Variants in MYH2 observed in about 807,000 individuals in gnomAD.
MYH2 encodes myosin-2.
A neutral mutation model predicts 228.1 loss-of-function variants in MYH2; 139 were observed. The observed-to-expected ratio is 0.61, with a 90% CI of 0.53 to 0.70. The LOEUF is 0.70. Ranked by LOEUF, MYH2 falls within the 30% of genes least tolerant of loss-of-function variation. The pLI is 0.00. For missense variants in MYH2, 1,809 were observed against 2,357.5 expected, an observed-to-expected ratio of 0.77 and a Z score of 4.82; for synonymous variants, 796 against 871.1, an observed-to-expected ratio of 0.91 and a Z score of 1.52.
Position 10,539,230 on chromosome 17 carries a change from T to C in MYH2, c.1391A>G (p.Asp464Gly). The C allele has an allele frequency of 6.2e-7, 1 of 1,614,212 alleles. No individual in the cohort carries two copies. The highest frequency in any genetic ancestry group is 8.5e-7 in the Non-Finnish European group (1 of 1,180,046). Residue 464 changes from aspartate (D) to glycine (G), a missense_variant, in exon 14 of 40, where the codon GAC (aspartate) becomes GGC (glycine). By Grantham distance (94) the Asp-to-Gly change is moderately conservative. Transcript: ENST00000245503. ...QPRQYFIGVL[D>G]IAGFEIFDFN... ...ATCAAAAATCTCAAAACCAGCAATG[T>C]CCAAGACCCCGATGAAGTACTGCCT...
At chr17:10,545,646 C>T in intron 4 of MYH2, 144 bp from the exon 5 acceptor site, 3 of 1,112,290 alleles carry the variant, frequency 2.7e-6, no homozygotes, top group South Asian at 1.4e-5. Context: ...CTCACTGCAG[C>T]CCCAACCTCC....
chr17:10,542,567 A>T (rs2073570723), intron 10 of MYH2, among the ~76,000 whole-genome samples: 1 of 152,230 alleles, frequency 6.6e-6, no homozygotes, highest in South Asian at 2.1e-4. Flanking sequence ...TTCAGTTATG[A>T]AAATTGTATG....
chr17:10,547,512 T>C lies in MYH2; in HGVS notation c.311A>G (p.Tyr104Cys). Residue 104 changes from tyrosine to cysteine, a missense_variant, in exon 4 of 40, where the codon TAC becomes TGC. Physicochemically the swap from Tyr to Cys is radical, Grantham distance 194 (BLOSUM62 -2). Coordinates refer to ENST00000245503, the MANE Select transcript of MYH2 (RefSeq NM_017534.6). ...GGCTGCATAACGTTCTTTGAGGTTG[T>C]ACAGCACAGCAGGCTCATGCAGATG... ...MTHLHEPAVL[Y>C]NLKERYAAWM... is the part of the protein sequence containing the mutation. The C allele has an allele frequency of 6.2e-7, 1 of 1,614,128 alleles. No homozygotes were observed.
chr17:10,545,237 C>T, intron 5 of MYH2, 109 bp downstream of exon 5: 1 of 1,597,158 alleles, frequency 6.3e-7, no homozygotes, highest in African/African-American at 1.3e-5. Flanking sequence ...ACACCAGCCT[C>T]AACTAAAAGG....
intron 8 of MYH2, 29 bp downstream of exon 8, chr17:10,543,682 G>C (rs199773022): frequency 3.1e-6 from 5 of 1,612,320 alleles, no homozygotes; most frequent in Non-Finnish European, 4.2e-6. Context: ...CCAGTGAACA[G>C]CATCTATTAG....
In MYH2 at chr17:10,543,779, T is replaced by A; in HGVS notation, c.673A>T (p.Ser225Cys). 6.2e-7 allele frequency: 1 copy of A among 1,614,216 alleles called. No individual in the cohort carries two copies. Among genetic ancestry groups the A allele is most frequent in the Non-Finnish European group, 8.5e-7 (1 of 1,180,026 alleles). The stretch of plus-strand genomic sequence containing the variant: ...AAGGCCTCCAGTAGGGGGTTGGCAC[T>A]GATGATTTGATCTTCCAGAGTCCCC... ...IQGTLEDQII[S>C]ANPLLEAFGN... Residue 225 changes from serine to cysteine, a missense_variant, in exon 8 of 40, where the codon AGT becomes TGT. This residue lies in a region of MYH2 where 373 missense variants were observed against 620.4 expected (regional missense o/e 0.60). Coordinates refer to ENST00000245503, the MANE Select transcript of MYH2 (RefSeq NM_017534.6).
At position 10,528,770 on chromosome 17, in the gene MYH2, T is replaced by A; in HGVS notation, c.3664A>T (p.Lys1222Ter). The A allele has an allele frequency of 1.2e-6, 2 of 1,614,132 alleles. No homozygotes were observed. Among genetic ancestry groups the A allele is most frequent in the Non-Finnish European group, 1.7e-6 (2 of 1,179,988 alleles). Reference protein sequence around the residue: ...QIDNLQRVKQKLEKEKSEMKM... With the variant: ...QIDNLQRVKQ ...ATCTCACTCTTCTCCTTCTCCAGCT[T>A]CTGCTTCACTCGCTGCAGGTTGTCA... The change falls in exon 27 of 40, where the codon AAG becomes TAG. Residue 1222 changes from lysine to a stop codon, truncating the protein, a stop_gained. Transcript: ENST00000245503. LOFTEE classifies it high-confidence loss of function.
At position 10,539,989 on chromosome 17, in the gene MYH2, A is replaced by G. The variant is rs145946759; in HGVS notation, c.1086T>C (p.Tyr362=). ...IYKLTGAVMH[Y]GNLKFKQKQR... is the part of the protein sequence containing the mutation. The stretch of plus-strand genomic sequence containing the variant: ...GCTTTTGCTTAAATTTTAGGTTCCC[A>G]TAATGCATCACAGCCCCCGTGAGCT... Residue 362 remains tyrosine (Y), a synonymous_variant, in exon 12 of 40, where the codon TAT becomes TAC. Transcript: ENST00000245503. 71 of 1,613,984 alleles carry G rather than the reference A, an allele frequency of 4.4e-5. No homozygotes were observed. Among genetic ancestry groups the G allele is most frequent in the African/African-American group, 1.1e-4 (8 of 74,908 alleles).
In MYH2 at chr17:10,539,290, GCA is replaced by G; in HGVS notation, c.1329_1330del (p.Ala444ProfsTer25). 1 of 1,614,178 alleles carries G rather than the reference GCA, an allele frequency of 6.2e-7. No individual in the cohort carries two copies. Among genetic ancestry groups the G allele is most frequent in the Non-Finnish European group, 8.5e-7 (1 of 1,180,034 alleles). ...GGTGTCCAGCTGCTGGTTGATGCGG[GCA>G]ACCATCCACAGGAACATCTTCTCGT... On this transcript the variant is annotated frameshift_variant, in exon 14 of 40. Coordinates refer to ENST00000245503, the MANE Select transcript of MYH2 (RefSeq NM_017534.6). LOFTEE classifies it high-confidence loss of function.
intron 8 of MYH2, among the ~76,000 whole-genome samples, 171 bp downstream of exon 8, chr17:10,543,540 C>T (rs1182619061): frequency 1.3e-5 from 2 of 151,182 alleles, no homozygotes; most frequent in African/African-American, 2.4e-5. Flanking sequence ...GGAAAAAGGC[C>T]ATATATCCTT....
In MYH2 at chr17:10,543,292, T is replaced by A. The variant is rs574785530; in HGVS notation, c.742-131A>T. ...AGTATTTGCATCAGGTAGAAAAAGG[T>A]GTATCTCCTATTTTATAAGTAGAAG... On this transcript the variant is annotated intron_variant, in intron 8 of 39. Transcript: ENST00000245503. 7 of 696,208 alleles carry A rather than the reference T, an allele frequency of 1.0e-5. No individual in the cohort carries two copies. The South Asian group carries it at 1.4e-4, about 14-fold the overall frequency. The allele number at this position is 696,208 out of a possible 1,614,324, so 43.1% of individuals were successfully genotyped here. A position where few individuals can be genotyped will look rare whatever the true frequency, so the allele number is the denominator to read the frequency against.
chr17:10,544,398 TTGAA>T (rs2142320209), intron 5 of MYH2, among the ~76,000 whole-genome samples: 1 of 152,318 alleles, frequency 6.6e-6, no homozygotes, highest in East Asian at 1.9e-4. Context: ...AGGAAAATGT[TTGAA>T]TGCCACTCTA....
chr17:10,541,346 CTCTGGGAATGTTG>C (rs558102251), intron 10 of MYH2, among the ~76,000 whole-genome samples: 251 of 152,208 alleles, frequency 1.6e-3, no homozygotes, highest in African/African-American at 5.9e-3. Context: ...AAAATGGCTG[CTCTGGGAATGTTG>C]TCTTTTACAG....
At chr17:10,522,551 T>A (rs1001417034) in intron 39 of MYH2, among the ~76,000 whole-genome samples, 6 of 152,052 alleles carry the variant, frequency 3.9e-5, no homozygotes, top group Non-Finnish European at 8.8e-5. Context: ...TTCTACTGTT[T>A]TATTATTATT....
intron 19 of MYH2, among the ~76,000 whole-genome samples, 153 bp from the exon 20 acceptor site, chr17:10,533,785 T>G (rs2073452356): frequency 6.6e-6 from 1 of 152,232 alleles, no homozygotes. Context: ...GTCAACCCTT[T>G]GGCAACCAAT....
At position 10,531,684 on chromosome 17, in the gene MYH2, C is replaced by G. The variant is rs755905885; in HGVS notation, c.2646G>C (p.Lys882Asn). The part of the protein sequence containing the change: ...SEAKRKELEE[K>N]MVTLLKEKND... ...TTTTTTCTTTCAACAGCGTCACCAT[C>G]TTTTCTTCCAGTTCCTTCCTTTTTG... is the stretch of plus-strand genomic sequence containing the variant. Residue 882 changes from lysine to asparagine, a missense_variant, in exon 22 of 40, where the codon AAG becomes AAC. By Grantham distance (94) the Lys-to-Asn change is moderately conservative. Transcript: ENST00000245503. The G allele has an allele frequency of 1.2e-6, 2 of 1,614,056 alleles. No individual in the cohort carries two copies. The highest frequency in any genetic ancestry group is 3.3e-5 in the Admixed American group (2 of 60,010).
In MYH2 at chr17:10,522,071, C is replaced by G. The variant is rs546852646; in HGVS notation, c.5674-639G>C. On this transcript the variant is annotated intron_variant, in intron 39 of 39. Coordinates refer to ENST00000245503, the MANE Select transcript of MYH2 (RefSeq NM_017534.6). ...GTAAAATTGCCTTTAGTTTTTCTCCCTCTGTCCTCTCTTGGGCAGGTTTTG... is the reference window on the plus strand; with the variant it reads ...GTAAAATTGCCTTTAGTTTTTCTCCGTCTGTCCTCTCTTGGGCAGGTTTTG... Among the ~76,000 whole-genome samples, 6 of 152,264 alleles carry G rather than the reference C, an allele frequency of 3.9e-5. No individual in the cohort carries two copies. In the South Asian group the frequency reaches 1.0e-3, roughly 26 times the overall value.
Position 10,549,393 on chromosome 17 carries a change from G to A in MYH2, c.-39C>T, listed in dbSNP as rs1426712616. The A allele has an allele frequency of 6.5e-6, 1 of 152,706 alleles. No homozygotes were observed. The highest frequency in any genetic ancestry group is 1.5e-5 in the Non-Finnish European group (1 of 68,062). 9.5% of individuals were successfully genotyped at this position (152,706 alleles called of 1,614,324 possible). ...ATCTTACCTTGTTAGCAAGTGAGAA[G>A]ATGTAGCCTGGGAGTGAGACAGTTC... On this transcript the variant is annotated 5_prime_UTR_variant, in exon 2 of 40. Coordinates refer to ENST00000245503, the MANE Select transcript of MYH2 (RefSeq NM_017534.6).
chr17:10,537,189 C>T lies in MYH2; in HGVS notation c.1897+44G>A, dbSNP rs1297634382. 11 of 1,611,744 alleles carry T rather than the reference C, an allele frequency of 6.8e-6. No homozygotes were observed. Among genetic ancestry groups the T allele is most frequent in the African/African-American group, 1.3e-5 (1 of 74,898 alleles). ...GATCACTAGCTTCAATTTAACATCA[C>T]ATTTTGTAATACCTAGAGAGTATTA... On this transcript the variant is annotated intron_variant, in intron 16 of 39. Transcript: ENST00000245503. This position sits in a 1 kb window ranked among gnomAD's most constrained non-coding sequence, Gnocchi z 4.0.
Sources: gnomAD v4.1 joint callset for allele counts (sites outside exome capture counted in the v4.1 genomes callset) on GRCh38, gnomAD v4.1.1 for gene constraint, gnomAD v4.1.1 regional missense constraint, Gnocchi (gnomAD v3.1) non-coding constraint, MANE v1.5 for transcripts, NCBI Gene and HGNC (gene_info 2026-07-23, HGNC 2026-07-21) for gene names.